The following PLEKHA1 variants were observed in gnomAD, a reference collection of about 807,000 sequenced individuals.
PLEKHA1 encodes the protein pleckstrin homology domain containing A1, also known as pleckstrin homology domain-containing family A member 1.
A neutral mutation model predicts 52.0 loss-of-function variants in PLEKHA1; 34 were observed. The observed-to-expected ratio is 0.65, with a 90% CI of 0.50 to 0.87. The LOEUF (loss-of-function observed/expected upper bound fraction) is 0.87. Ranked by LOEUF, PLEKHA1 falls within the 40% of genes least tolerant of loss-of-function variation. The pLI is 0.00. For missense variants in PLEKHA1, 497 were observed against 504.2 expected (o/e 0.99, Z 0.14); for synonymous variants, 163 against 170.7 (o/e 0.95, Z 0.35).
At chr10:122,413,439 G>T (rs1037888974) in intron 6 of PLEKHA1, among the ~76,000 whole-genome samples, 7 of 152,076 alleles carry the variant, frequency 4.6e-5, no homozygotes, top group African/African-American at 1.7e-4. Flanking sequence ...GACAAATAGA[G>T]TTCCTTTTCC....
intron 9 of PLEKHA1, 45 bp from the exon 10 acceptor site, chr10:122,424,851 C>A: frequency 6.6e-7 from 1 of 1,512,796 alleles, no homozygotes; most frequent in South Asian, 1.2e-5. Context: ...AAGAGAAACT[C>A]AAACAACTGC....
chr10:122,395,181 A>G (rs2096833480), intron 2 of PLEKHA1, among the ~76,000 whole-genome samples: 2 of 151,798 alleles, frequency 1.3e-5, no homozygotes, highest in Non-Finnish European at 2.9e-5. Context: ...CACTTTGGCT[A>G]TAGCACTCAG....
intron 6 of PLEKHA1, among the ~76,000 whole-genome samples, chr10:122,413,976 CATTA>C (rs1415759572): frequency 6.6e-6 from 1 of 152,004 alleles, no homozygotes; most frequent in Non-Finnish European, 1.5e-5. Flanking sequence ...AATCTTACAA[CATTA>C]ATTAATTAAT....
chr10:122,427,383 A>C (rs1402403692), intron 11 of PLEKHA1, among the ~76,000 whole-genome samples: 1 of 152,160 alleles, frequency 6.6e-6, no homozygotes, highest in Non-Finnish European at 1.5e-5. Flanking sequence ...TAAGACTTTT[A>C]GTTGTAGCGT....
At chr10:122,384,397 A>G (rs2096658523) in intron 1 of PLEKHA1, among the ~76,000 whole-genome samples, 1 of 150,140 alleles carries the variant, frequency 6.7e-6, no homozygotes, top group South Asian at 2.1e-4. Context: ...TCACGTGGTC[A>G]GGAGATTGAG....
At chr10:122,438,091 AC>A in the PLEKHA1 span, 21 of 152,168 alleles carry the variant, frequency 1.4e-4, no homozygotes, top group African/African-American at 4.1e-4. Context: ...TCCCATTTCT[AC>A]AAAAAATACA....
downstream of PLEKHA1, chr10:122,436,174 T>A (rs2097436829): frequency 6.6e-6 from 1 of 151,348 alleles, no homozygotes; most frequent in Admixed American, 6.6e-5. Context: ...AACACACTAC[T>A]TCTACTGTCT....
intron 4 of PLEKHA1, among the ~76,000 whole-genome samples, chr10:122,405,847 A>G (rs1282181638): frequency 1.3e-5 from 2 of 152,120 alleles, no homozygotes; most frequent in African/African-American, 4.8e-5. Flanking sequence ...AAGGCTCCTA[A>G]CAGTAGCTAG....
intron 1 of PLEKHA1, among the ~76,000 whole-genome samples, chr10:122,375,526 C>T (rs531168265): frequency 6.6e-6 from 1 of 152,254 alleles, no homozygotes; most frequent in Admixed American, 6.5e-5. Context: ...AGCTGCCAAC[C>T]GCAGAGCTTT....
intron 1 of PLEKHA1, among the ~76,000 whole-genome samples, chr10:122,379,394 C>T (rs961907107): frequency 1.3e-5 from 2 of 152,156 alleles, no homozygotes; most frequent in Non-Finnish European, 2.9e-5. Context: ...TGCCATTTCT[C>T]ATCAATTCTC....
intron 11 of PLEKHA1, 126 bp from the exon 12 acceptor site, chr10:122,429,494 TTGTG>T (rs35620141): frequency 0.038 from 24,996 of 650,436 alleles, 644 homozygotes; most frequent in African/African-American, 0.16. Flanking sequence ...GCTGCTGCCT[TTGTG>T]TGTGTGTGTG....
intron 6 of PLEKHA1, among the ~76,000 whole-genome samples, chr10:122,413,516 T>C (rs897907557): frequency 3.3e-5 from 5 of 152,094 alleles, no homozygotes; most frequent in African/African-American, 9.6e-5. Context: ...TTCCTAGAAA[T>C]AAAATTGCTG....
chr10:122,416,889 A>G (rs1236888489), intron 7 of PLEKHA1: 1 of 154,050 alleles, frequency 6.5e-6, no homozygotes, highest in African/African-American at 2.4e-5. Flanking sequence ...ATGTCCTTTC[A>G]CCTGTTTGAC....
chr10:122,429,595 C>T, intron 11 of PLEKHA1, 29 bp from the exon 12 acceptor site: 1 of 1,603,262 alleles, frequency 6.2e-7, no homozygotes, highest in Non-Finnish European at 8.5e-7. Flanking sequence ...GAGTGACTGA[C>T]CGTGTCTGAC....
intron 5 of PLEKHA1, chr10:122,412,144 T>C (rs933216927): frequency 1.3e-5 from 2 of 152,240 alleles, no homozygotes; most frequent in African/African-American, 4.8e-5. Context: ...ATACCTCTGA[T>C]TCTTTCATCC....
At chr10:122,437,428 A>G in the PLEKHA1 span, 3 of 152,322 alleles carry the variant, frequency 2.0e-5, no homozygotes, top group Admixed American at 1.3e-4. Context: ...CCAAGTAGAA[A>G]TGGCAGGCAG....
downstream of PLEKHA1, chr10:122,437,263 T>A (rs2097441923): frequency 6.6e-6 from 1 of 151,952 alleles, no homozygotes; most frequent in Admixed American, 6.6e-5. Flanking sequence ...TGAAAGGAAG[T>A]GAAGAATTAA....
chr10:122,414,932 A>G (rs992191976), intron 6 of PLEKHA1, among the ~76,000 whole-genome samples: 2 of 152,058 alleles, frequency 1.3e-5, no homozygotes, highest in Non-Finnish European at 2.9e-5. Flanking sequence ...TGATTACTGT[A>G]CAACCCAGCA....
chr10:122,428,540 T>TA (rs754964893), intron 11 of PLEKHA1: 104 of 897,716 alleles, frequency 1.2e-4, no homozygotes, highest in Non-Finnish European at 1.5e-4. Flanking sequence ...AAATAAAACA[T>TA]ACAACTTTAC....
Sources: allele counts gnomAD v4.1 joint callset (sites outside exome capture counted in the v4.1 genomes callset), GRCh38; gene constraint gnomAD v4.1.1; transcripts MANE v1.5; gene names NCBI Gene and HGNC (gene_info 2026-07-23, HGNC 2026-07-21).